Variants in GRM7 observed in about 807,000 individuals in gnomAD.
The protein encoded by GRM7 is glutamate metabotropic receptor 7.
Under a neutral mutation model 84.5 loss-of-function variants are expected in GRM7, and 35 were observed. The observed-to-expected ratio is 0.41, with a 90% confidence interval of 0.32 to 0.55. GRM7 has a LOEUF of 0.55. GRM7 is among the 20% of genes least tolerant of loss of function. GRM7 has a pLI of 0.19. For missense variants in GRM7, 1,003 were observed against 1,194.6 expected, an observed-to-expected ratio of 0.84 and a Z score of 2.36; for synonymous variants, 487 against 455.1, an observed-to-expected ratio of 1.07 and a Z score of -0.89.
At chr3:7,684,468 G>A (rs886885261) in intron 9 of GRM7, among the ~76,000 whole-genome samples, 1 of 152,112 alleles carries the variant, frequency 6.6e-6, no homozygotes, top group Non-Finnish European at 1.5e-5. Context: ...TCAATCTTCA[G>A]TGTTTTCACT....
chr3:7,614,459 G>C (rs1410973183), intron 8 of GRM7, among the ~76,000 whole-genome samples: 1 of 152,064 alleles, frequency 6.6e-6, no homozygotes, highest in Non-Finnish European at 1.5e-5. Context: ...TGGATTTACA[G>C]GAAATGGCCA....
chr3:7,279,519 T>C (rs1473097712), intron 2 of GRM7, among the ~76,000 whole-genome samples: 1 of 151,970 alleles, frequency 6.6e-6, no homozygotes, highest in African/African-American at 2.4e-5. Flanking sequence ...CATCCACCAG[T>C]AGATGTGGGC....
At chr3:7,075,871 A>G (rs1043650522) in intron 1 of GRM7, among the ~76,000 whole-genome samples, 1 of 152,114 alleles carries the variant, frequency 6.6e-6, no homozygotes. Context: ...GGAATCTTTC[A>G]TAGAATATTC....
intron 8 of GRM7, among the ~76,000 whole-genome samples, chr3:7,618,988 G>A (rs904838056): frequency 6.6e-6 from 1 of 152,244 alleles, no homozygotes; most frequent in African/African-American, 2.4e-5. Flanking sequence ...TCAGAAAATA[G>A]TTCTATCTTT....
rs1019350539 is a variant in GRM7 at position 7,127,296 on chromosome 3, G to A, written c.520-19156G>A. ...TTCTCTTTGATTTCTAACATCTTCC[G>A]CAAGATGATTCCAATGAAGTGTTCA... is the stretch of plus-strand genomic sequence containing the variant. On this transcript the variant is annotated intron_variant, in intron 1 of 9. Coordinates refer to ENST00000357716, the MANE Select transcript of GRM7 (RefSeq NM_000844.4). Among the ~76,000 whole-genome samples, 4 of 152,134 alleles carry A rather than the reference G, an allele frequency of 2.6e-5. No individual in the cohort carries two copies. The East Asian group carries it at 5.8e-4, about 22-fold the overall frequency.
Position 7,634,832 on chromosome 3 carries a change from C to T in GRM7, c.2452-45217C>T, listed in dbSNP as rs139489049. The stretch of plus-strand genomic sequence containing the variant: ...GAAAAAGAAAAAGAAAAAAGAAATC[C>T]GCAGATCTTTCAAGGCTATGGTACT... On this transcript the variant is annotated intron_variant, in intron 8 of 9. Transcript: ENST00000357716. Among the ~76,000 whole-genome samples the T allele has an allele frequency of 8.8e-3, 1,339 of 152,026 alleles. 13 individuals are homozygous for T. Among genetic ancestry groups the T allele is most frequent in the African/African-American group, 0.03 (1,230 of 41,454 alleles).
At chr3:7,204,509 T>C (rs1363136763) in intron 2 of GRM7, among the ~76,000 whole-genome samples, 1 of 152,178 alleles carries the variant, frequency 6.6e-6, no homozygotes, top group Admixed American at 6.5e-5. Context: ...AAAGGGAAAA[T>C]GATTCCGTTA....
chr3:7,110,168 C>T (rs1692795185), intron 1 of GRM7, among the ~76,000 whole-genome samples: 1 of 152,066 alleles, frequency 6.6e-6, no homozygotes, highest in Non-Finnish European at 1.5e-5. Context: ...AAGTGATTTA[C>T]TATACCACCT....
At chr3:7,303,033 C>T (rs978264002) in intron 3 of GRM7, among the ~76,000 whole-genome samples, 14 of 151,366 alleles carry the variant, frequency 9.2e-5, no homozygotes, top group East Asian at 5.9e-4. Flanking sequence ...CTCCACCTCC[C>T]GGGTTCATGC....
rs1305824685 is a variant in GRM7 at position 7,452,835 on chromosome 3, G to T, written c.1375+28G>T. 2.1e-6 allele frequency: 3 copies of T among 1,398,964 alleles called. No individual in the cohort carries two copies. The East Asian group carries it at 6.9e-5, about 32-fold the overall frequency. 86.7% of individuals were successfully genotyped at this position (1,398,964 alleles called of 1,614,324 possible). ...GAGTCTCCAAAAATCCATCCTTTTT[G>T]GAATCCTAAGTGTTGGCATTCTGTT... is the stretch of plus-strand genomic sequence containing the variant. On this transcript the variant is annotated intron_variant, in intron 6 of 9. Transcript: ENST00000357716.
intron 9 of GRM7, among the ~76,000 whole-genome samples, chr3:7,698,065 G>A (rs1316325265): frequency 6.6e-6 from 1 of 152,202 alleles, no homozygotes; most frequent in Non-Finnish European, 1.5e-5. Flanking sequence ...GATAGAGCAA[G>A]CCGTAGCTCC....
In GRM7 at chr3:6,996,351, T is replaced by C. The variant is rs992146006; in HGVS notation, c.519+134444T>C. On this transcript the variant is annotated intron_variant, in intron 1 of 9. Coordinates refer to ENST00000357716, the MANE Select transcript of GRM7 (RefSeq NM_000844.4). Reference sequence around the variant, plus strand: ...ACATGAGCCACCATGCCTGGCCTAATTCTACAAATTTTTAATAGAATTATT... The same window carrying C: ...ACATGAGCCACCATGCCTGGCCTAACTCTACAAATTTTTAATAGAATTATT... 5.9e-5 allele frequency among the ~76,000 whole-genome samples: 9 copies of C among 152,294 alleles called. No individual in the cohort carries two copies. The South Asian group carries it at 8.3e-4, about 14-fold the overall frequency.
intron 8 of GRM7, among the ~76,000 whole-genome samples, chr3:7,668,534 CAG>C (rs1491197870): frequency 1.3e-5 from 2 of 152,168 alleles, no homozygotes; most frequent in Non-Finnish European, 2.9e-5. Context: ...ACTTGCCTAA[CAG>C]AACAGTATTC....
chr3:7,287,453 G>C (rs987736344), intron 2 of GRM7, among the ~76,000 whole-genome samples: 1 of 152,014 alleles, frequency 6.6e-6, no homozygotes, highest in African/African-American at 2.4e-5. Flanking sequence ...CGATCTTCTG[G>C]GACTTGGGAA....
intron 8 of GRM7, among the ~76,000 whole-genome samples, chr3:7,602,027 A>T (rs1029141857): frequency 2.0e-5 from 3 of 149,996 alleles, no homozygotes; most frequent in Admixed American, 6.7e-5. Flanking sequence ...CAGCAGAGTG[A>T]ATGGCACAAC....
chr3:7,106,404 C>T (rs961519178), intron 1 of GRM7, among the ~76,000 whole-genome samples: 2 of 151,506 alleles, frequency 1.3e-5, no homozygotes, highest in African/African-American at 2.4e-5. Flanking sequence ...TCCAGTCCCC[C>T]CTATATTGTA....
intron 1 of GRM7, among the ~76,000 whole-genome samples, chr3:7,136,071 C>T (rs1693760398): frequency 6.6e-6 from 1 of 152,054 alleles, no homozygotes; most frequent in Admixed American, 6.6e-5. Flanking sequence ...AAACTTGACT[C>T]AATCTTGTCA....
intron 1 of GRM7, among the ~76,000 whole-genome samples, chr3:7,064,463 C>CATATATATATATATATATATATGT (rs745409093): frequency 1.1e-5 from 1 of 87,366 alleles, no homozygotes; most frequent in African/African-American, 5.0e-5. Flanking sequence ...GATATATATA[C>CATATATATATATATATATATATGT]ATATATATAT....
At chr3:7,490,644 A>G (rs547927582) in intron 7 of GRM7, among the ~76,000 whole-genome samples, 29 of 152,140 alleles carry the variant, frequency 1.9e-4, no homozygotes, top group Non-Finnish European at 1.6e-4. Flanking sequence ...GCTATTAATC[A>G]TTGTTGAAGT....
Sources: allele counts gnomAD v4.1 joint callset (sites outside exome capture counted in the v4.1 genomes callset), GRCh38; gene constraint gnomAD v4.1.1; transcripts MANE v1.5; gene names NCBI Gene and HGNC (gene_info 2026-07-23, HGNC 2026-07-21).